Variants in PSMG2 observed in about 807,000 individuals in gnomAD.
The protein encoded by PSMG2 is proteasome assembly chaperone 2, also known as CD40 ligand-activated specific transcript 3.
In PSMG2, 21 loss-of-function variants were observed where a neutral mutation model predicts 31.5. That is an observed-to-expected ratio of 0.67 (90% CI 0.47 to 0.96). The LOEUF (loss-of-function observed/expected upper bound fraction) is 0.96, where lower values mean the gene tolerates loss of function less well. Among genes scored for constraint, PSMG2 ranks in the 40% least tolerant of loss-of-function variants. The pLI, the probability that PSMG2 is intolerant of heterozygous loss-of-function variation, is 0.00. For missense variants in PSMG2, 318 were observed against 321.2 expected (o/e 0.99, Z 0.08); for synonymous variants, 120 against 110.4 (o/e 1.09, Z -0.54).
intron 1 of PSMG2, chr18:12,661,762 G>A (rs1248690439): frequency 6.5e-6 from 1 of 154,406 alleles, no homozygotes; most frequent in African/African-American, 2.4e-5. Context: ...GTGACAGAGT[G>A]AGAGTCCGTC....
chr18:12,720,358 A>G (rs1410297434), intron 4 of PSMG2, 152 bp from the exon 5 acceptor site: 5 of 586,978 alleles, frequency 8.5e-6, no homozygotes, highest in African/African-American at 3.8e-5. Flanking sequence ...TAAGTAAGTA[A>G]GTAGCAAATC....
chr18:12,722,022 G>A (rs1396215825), intron 5 of PSMG2, among the ~76,000 whole-genome samples: 1 of 151,978 alleles, frequency 6.6e-6, no homozygotes, highest in Admixed American at 6.6e-5. Context: ...TCCTTTCTAA[G>A]AGTCAACTTA....
At chr18:12,679,953 G>A (rs966863970) in intron 1 of PSMG2, among the ~76,000 whole-genome samples, 2 of 151,950 alleles carry the variant, frequency 1.3e-5, no homozygotes, top group Admixed American at 1.3e-4. Flanking sequence ...CTACGCAAGA[G>A]GCTGAGGTAG....
At chr18:12,700,057 G>T, upstream of PSMG2, 2 of 441,958 alleles carry the variant, frequency 4.5e-6, no homozygotes, top group Non-Finnish European at 4.0e-6. Context: ...TTAAAATAAT[G>T]AAAATAAAAG....
At chr18:12,712,900 C>T (rs946948250) in intron 3 of PSMG2, 140 bp downstream of exon 3, 2 of 547,026 alleles carry the variant, frequency 3.7e-6, no homozygotes, top group African/African-American at 3.8e-5. Context: ...AATAATCTTA[C>T]AATATTTCAG....
chr18:12,702,565 T>G (rs202200437), upstream of PSMG2: 1 of 1,546,728 alleles, frequency 6.5e-7, no homozygotes, highest in South Asian at 1.2e-5. Flanking sequence ...AGCCGGCGTC[T>G]CCCCGCCGCT....
intron 1 of PSMG2, among the ~76,000 whole-genome samples, chr18:12,689,575 T>C (rs925876091): frequency 3.5e-5 from 5 of 143,120 alleles, no homozygotes; most frequent in African/African-American, 1.2e-4. Flanking sequence ...GAGGAAGTCG[T>C]TTAAGTAATA....
chr18:12,705,033 GGAA>G (rs1427878497), intron 1 of PSMG2, among the ~76,000 whole-genome samples: 69 of 152,238 alleles, frequency 4.5e-4, no homozygotes, highest in African/African-American at 1.4e-3. Context: ...TAAGGGAATG[GGAA>G]GAAGTTTAGG....
intron 1 of PSMG2, among the ~76,000 whole-genome samples, chr18:12,690,308 G>A (rs2039705025): frequency 6.6e-6 from 1 of 152,076 alleles, no homozygotes; most frequent in Non-Finnish European, 1.5e-5. Flanking sequence ...GGGTAAAGCT[G>A]GATGAATGTA....
At chr18:12,714,041 C>T (rs972330903) in intron 3 of PSMG2, among the ~76,000 whole-genome samples, 2 of 152,154 alleles carry the variant, frequency 1.3e-5, no homozygotes, top group Non-Finnish European at 2.9e-5. Context: ...TAAGCCACGC[C>T]CAGTCCAAAC....
At chr18:12,661,525 A>G (rs1363104380) in intron 1 of PSMG2, among the ~76,000 whole-genome samples, 1 of 152,030 alleles carries the variant, frequency 6.6e-6, no homozygotes, top group Non-Finnish European at 1.5e-5. Flanking sequence ...TAATCCCAAC[A>G]CTTTGGGAAG....
chr18:12,703,220 C>G, intron 1 of PSMG2, 56 bp downstream of exon 1: 1 of 1,536,460 alleles, frequency 6.5e-7, no homozygotes, highest in Non-Finnish European at 8.8e-7. Flanking sequence ...GCGGTGTCGC[C>G]ACCCCGACGC....
chr18:12,683,778 G>C (rs2039436858), intron 1 of PSMG2, among the ~76,000 whole-genome samples: 1 of 151,192 alleles, frequency 6.6e-6, no homozygotes, highest in South Asian at 2.1e-4. Flanking sequence ...AAATCAGAAA[G>C]ACTGTAGCAA....
Position 12,678,383 on chromosome 18 carries a change from A to G in PSMG2, c.-37+19610A>G, listed in dbSNP as rs1181197707. The G allele has an allele frequency of 6.8e-6, 11 of 1,614,058 alleles. No individual in the cohort carries two copies. In the African/African-American group the frequency reaches 1.5e-4, roughly 22 times the overall value. On this transcript the variant is annotated intron_variant, in intron 1 of 6. Transcript: ENST00000585331. ...ACAACCAATTGTTCGATATGGGTAC[A>G]GTGGTTTGGGCTGTTCAGCAACTGG...
intron 1 of PSMG2, among the ~76,000 whole-genome samples, chr18:12,663,194 A>G (rs1268016275): frequency 6.6e-6 from 1 of 152,226 alleles, no homozygotes; most frequent in Non-Finnish European, 1.5e-5. Flanking sequence ...GTCATATTAC[A>G]TAATTCTGAT....
chr18:12,703,936 A>G (rs1046759800), intron 1 of PSMG2, among the ~76,000 whole-genome samples: 4 of 152,208 alleles, frequency 2.6e-5, no homozygotes, highest in Admixed American at 6.5e-5. Flanking sequence ...ATTTGGAATG[A>G]CACATTGAGA....
chr18:12,689,530 G>A (rs1356023097), intron 1 of PSMG2, among the ~76,000 whole-genome samples: 5 of 152,146 alleles, frequency 3.3e-5, no homozygotes, highest in Non-Finnish European at 7.3e-5. Flanking sequence ...ACTAAATTAC[G>A]TTCTATGGTT....
intron 1 of PSMG2, among the ~76,000 whole-genome samples, chr18:12,706,148 T>C (rs865994198): frequency 6.6e-6 from 1 of 152,240 alleles, no homozygotes; most frequent in South Asian, 2.1e-4. Context: ...AGTACTAATA[T>C]AACTATTGTA....
At chr18:12,714,069 A>C (rs1315470729) in intron 3 of PSMG2, among the ~76,000 whole-genome samples, 1 of 152,166 alleles carries the variant, frequency 6.6e-6, no homozygotes, top group Non-Finnish European at 1.5e-5. Flanking sequence ...TTTGTTAGTC[A>C]TTGGTTTCTT....
Sources: allele counts gnomAD v4.1 joint callset (sites outside exome capture counted in the v4.1 genomes callset), GRCh38; gene constraint gnomAD v4.1.1; transcripts MANE v1.5; gene names NCBI Gene and HGNC (gene_info 2026-07-23, HGNC 2026-07-21).